GALNTL6: variants seen among roughly 807,000 people sequenced by gnomAD.
GALNTL6 encodes the protein polypeptide N-acetylgalactosaminyltransferase like 6, also known as polypeptide N-acetylgalactosaminyltransferase-like 6.
A neutral mutation model predicts 73.7 loss-of-function variants in GALNTL6; 46 were observed. The observed-to-expected ratio is 0.62, with a 90% CI of 0.49 to 0.80. GALNTL6 has a LOEUF of 0.80. Ranked by LOEUF, GALNTL6 falls within the 30% of genes least tolerant of loss-of-function variation. The probability of loss-of-function intolerance (pLI) is 0.00; values close to 1 mark genes in which losing one functional copy is unlikely to be tolerated. For missense variants in GALNTL6, 604 were observed against 755.0 expected, an observed-to-expected ratio of 0.80 and a Z score of 2.34; for synonymous variants, 259 against 263.7, an observed-to-expected ratio of 0.98 and a Z score of 0.17.
intron 3 of GALNTL6, among the ~76,000 whole-genome samples, chr4:172,296,233 T>G (rs1739667484): frequency 6.6e-6 from 1 of 152,206 alleles, no homozygotes; most frequent in South Asian, 2.1e-4. Context: ...TGAGATAACA[T>G]TAAGACCTAT....
At chr4:172,380,286 T>C (rs1743231514) in intron 5 of GALNTL6, 2 of 766,226 alleles carry the variant, frequency 2.6e-6, no homozygotes, top group Non-Finnish European at 4.8e-6. Context: ...AAACGCACTT[T>C]AGGGGCTGCC....
Position 172,385,246 on chromosome 4 carries a change from A to C in GALNTL6, c.553+36557A>C, listed in dbSNP as rs79695726. On this transcript the variant is annotated intron_variant, in intron 5 of 12. Transcript: ENST00000506823. ...CATGAGTACCTGACAAAAATGTCTT[A>C]ATATATTCTGCTATGATTGCGTATT... 8.6e-4 allele frequency among the ~76,000 whole-genome samples: 130 copies of C among 151,948 alleles called. 2 individuals are homozygous for C. Among genetic ancestry groups the C allele is most frequent in the African/African-American group, 3.1e-3 (127 of 41,516 alleles).
At chr4:172,535,749 G>A (rs979913588) in intron 5 of GALNTL6, among the ~76,000 whole-genome samples, 4 of 152,182 alleles carry the variant, frequency 2.6e-5, no homozygotes, top group Non-Finnish European at 5.9e-5. Context: ...AGCTCAAGGA[G>A]AAATTCACAG....
intron 5 of GALNTL6, among the ~76,000 whole-genome samples, chr4:172,602,904 A>C (rs989167993): frequency 6.6e-6 from 1 of 152,212 alleles, no homozygotes; most frequent in African/African-American, 2.4e-5. Context: ...AAAAGGAACA[A>C]ACTGCTGATA....
intron 12 of GALNTL6, among the ~76,000 whole-genome samples, chr4:173,022,114 G>GGAAGGAAGGAAGGAAA (rs1561091809): frequency 6.6e-4 from 87 of 131,756 alleles, no homozygotes; most frequent in African/African-American, 2.5e-3. Context: ...AAGGAAAGAA[G>GGAAGGAAGGAAGGAAA]GAAGGAAGGA....
intron 2 of GALNTL6, among the ~76,000 whole-genome samples, chr4:171,825,310 C>G (rs1440741671): frequency 6.6e-6 from 1 of 152,094 alleles, no homozygotes; most frequent in African/African-American, 2.4e-5. Flanking sequence ...ACGCCCTCTT[C>G]TAGTGCTTCC....
Position 173,021,568 on chromosome 4 carries a change from CG to C in GALNTL6, c.1582del (p.Val528LeufsTer9). 6.2e-7 allele frequency: 1 copy of C among 1,614,128 alleles called. No homozygotes were observed. Among genetic ancestry groups the C allele is most frequent in the Non-Finnish European group, 8.5e-7 (1 of 1,180,012 alleles). ...CFDAISHNSPVTLYDCHGMKG... is the reference protein window; with the variant it reads ...CFDAISHNSPXTLYDCHGMKG... Reference sequence around the variant, plus strand: ...TTGATGCGATCTCACACAACAGCCCCGTTACACTCTATGACTGTCATGGCAT... The same window carrying C: ...TTGATGCGATCTCACACAACAGCCCCTTACACTCTATGACTGTCATGGCAT... On this transcript the variant is annotated frameshift_variant, in exon 12 of 13. Transcript: ENST00000506823. LOFTEE classifies it high-confidence loss of function.
At chr4:172,085,490 C>G (rs982007810) in intron 2 of GALNTL6, among the ~76,000 whole-genome samples, 3 of 151,954 alleles carry the variant, frequency 2.0e-5, no homozygotes, top group African/African-American at 4.8e-5. Context: ...GAGTTTGAGA[C>G]CAGCTTGGGC....
intron 5 of GALNTL6, among the ~76,000 whole-genome samples, chr4:172,508,292 A>G (rs116349222): frequency 0.03 from 1,660 of 55,202 alleles, 648 homozygotes; most frequent in East Asian, 0.18. Flanking sequence ...CATGATTTCT[A>G]CTGGTGAAGA....
At chr4:172,597,361 A>T (rs1055467340) in intron 5 of GALNTL6, among the ~76,000 whole-genome samples, 1 of 152,126 alleles carries the variant, frequency 6.6e-6, no homozygotes, top group African/African-American at 2.4e-5. Flanking sequence ...TCACTAATTA[A>T]AATCTTTGTT....
chr4:172,065,587 G>A (rs773029684), intron 2 of GALNTL6, among the ~76,000 whole-genome samples: 1 of 151,572 alleles, frequency 6.6e-6, no homozygotes, highest in Non-Finnish European at 1.5e-5. Context: ...TTTTTTTAGA[G>A]TAGTTTTAGG....
intron 5 of GALNTL6, among the ~76,000 whole-genome samples, chr4:172,499,621 C>T (rs1054755907): frequency 1.3e-5 from 2 of 152,116 alleles, no homozygotes; most frequent in Non-Finnish European, 2.9e-5. Context: ...AAAAGAGAAT[C>T]AACAGAAGCT....
chr4:172,255,897 G>T (rs1363509709), intron 3 of GALNTL6, among the ~76,000 whole-genome samples: 1 of 151,408 alleles, frequency 6.6e-6, no homozygotes, highest in Non-Finnish European at 1.5e-5. Context: ...GAAGAGGGGA[G>T]AATGAACAAT....
At chr4:172,210,520 A>G (rs1736286745) in intron 2 of GALNTL6, among the ~76,000 whole-genome samples, 1 of 151,898 alleles carries the variant, frequency 6.6e-6, no homozygotes, top group South Asian at 2.1e-4. Flanking sequence ...CTCTATTGGG[A>G]TTTGTTTGCT....
intron 10 of GALNTL6, among the ~76,000 whole-genome samples, chr4:172,985,271 C>G (rs1751243043): frequency 6.6e-6 from 1 of 152,040 alleles, no homozygotes; most frequent in South Asian, 2.1e-4. Flanking sequence ...AAAGTTCTAG[C>G]AATAAATTCC....
At chr4:171,990,529 G>T (rs1579039354) in intron 2 of GALNTL6, among the ~76,000 whole-genome samples, 1 of 152,120 alleles carries the variant, frequency 6.6e-6, no homozygotes, top group East Asian at 1.9e-4. Flanking sequence ...AGAAAATGAA[G>T]AAAAAGAGAA....
At chr4:172,688,210 T>C (rs1437838) in intron 5 of GALNTL6, among the ~76,000 whole-genome samples, 149,134 of 152,312 alleles carry the variant, frequency 0.98, 73,089 homozygotes, top group Non-Finnish European at 1. Context: ...GTTAAATTTA[T>C]GGTAAATTAT....
At chr4:172,972,531 T>C (rs916256926) in intron 10 of GALNTL6, among the ~76,000 whole-genome samples, 6 of 152,212 alleles carry the variant, frequency 3.9e-5, no homozygotes, top group African/African-American at 1.2e-4. Flanking sequence ...ACTGAAAAAG[T>C]CTAGAAATAA....
intron 2 of GALNTL6, among the ~76,000 whole-genome samples, chr4:171,968,015 G>A (rs571009564): frequency 6.6e-6 from 1 of 152,188 alleles, no homozygotes; most frequent in South Asian, 2.1e-4. Context: ...AGGAGAAAGA[G>A]CCCGGTGCGA....
Sources: gnomAD v4.1 joint callset for allele counts (sites outside exome capture counted in the v4.1 genomes callset) on GRCh38, gnomAD v4.1.1 for gene constraint, MANE v1.5 for transcripts, NCBI Gene and HGNC (gene_info 2026-07-23, HGNC 2026-07-21) for gene names.